The following PCDHGC3 variants were observed in gnomAD, a reference collection of about 807,000 sequenced individuals.
The protein encoded by PCDHGC3 is protocadherin gamma subfamily C, 3.
Under a neutral mutation model 59.2 loss-of-function variants are expected in PCDHGC3, and 26 were observed. The ratio of observed to expected loss-of-function variants is 0.44; its 90% CI spans 0.32 to 0.61. The LOEUF (loss-of-function observed/expected upper bound fraction) is 0.61. PCDHGC3 is among the 20% of genes least tolerant of loss of function. The pLI is 0.05. For synonymous variants in PCDHGC3, 487 were observed against 519.7 expected (o/e 0.94, Z 0.86); for missense variants, 1,080 against 1,221.8 (o/e 0.88, Z 1.73).
chr5:141,486,707 C>A lies in PCDHGC3; in HGVS notation c.2431-8100C>A, dbSNP rs1314530265. On this transcript the variant is annotated intron_variant, in intron 1 of 3. Coordinates refer to ENST00000308177, the MANE Select transcript of PCDHGC3 (RefSeq NM_002588.4). The surrounding 1 kb of genome is among the most constrained non-coding windows in gnomAD (Gnocchi z 5.0). ...AGCTTCCTCTTTCATCTCTCTGAAC[C>A]CCCAGACAGGAGCTGTTCATGCTAC... 2 of 1,614,040 alleles carry A rather than the reference C, an allele frequency of 1.2e-6. No individual in the cohort carries two copies. The highest frequency in any genetic ancestry group is 1.7e-6 in the Non-Finnish European group (2 of 1,180,038).
At position 141,487,116 on chromosome 5, in the gene PCDHGC3, A is replaced by G. The variant is rs749256818; in HGVS notation, c.2431-7691A>G. On this transcript the variant is annotated intron_variant, in intron 1 of 3. Transcript: ENST00000308177. This position sits in a 1 kb window ranked among gnomAD's most constrained non-coding sequence, Gnocchi z 5.0. ...CCACAGAAGCTGGTCATTGTGGTAA[A>G]GGATAGTGGTAGTCCACCACTCTCT... The G allele has an allele frequency of 3.1e-6, 5 of 1,614,022 alleles. No individual in the cohort carries two copies.
chr5:141,476,078 C>G lies in PCDHGC3; in HGVS notation c.-39C>G. On this transcript the variant is annotated 5_prime_UTR_variant, in exon 1 of 4. Transcript: ENST00000308177. The surrounding 1 kb of genome is among the most constrained non-coding windows in gnomAD (Gnocchi z 7.6). ...AAGTTTCTCAGCGAAATCTCAGGGA[C>G]GATCTGGACCCCGCTGAGAGGAACT... is the stretch of plus-strand genomic sequence containing the variant. 1 of 1,528,034 alleles carries G rather than the reference C, an allele frequency of 6.5e-7. No homozygotes were observed. 94.7% of individuals were successfully genotyped at this position (1,528,034 alleles called of 1,614,324 possible).
chr5:141,485,065 A>G lies in PCDHGC3; in HGVS notation c.2430+6519A>G, dbSNP rs527439590. On this transcript the variant is annotated intron_variant, in intron 1 of 3. Transcript: ENST00000308177. The surrounding 1 kb of genome is among the most constrained non-coding windows in gnomAD (Gnocchi z 5.7). ...TGCGGCGCCGGCCGAACCGCGCCAG[A>G]GCTGGCGCGGGGAAAGGGAGATAGG... The G allele has an allele frequency of 4.2e-5, 37 of 877,696 alleles. No individual in the cohort carries two copies. Among genetic ancestry groups the G allele is most frequent in the Non-Finnish European group, 6.5e-5 (36 of 552,826 alleles). The allele number at this position is 877,696 out of a possible 1,614,324, so 54.4% of individuals were successfully genotyped here. A position where few individuals can be genotyped will look rare whatever the true frequency, so the allele number is the denominator to read the frequency against.
intron 2 of PCDHGC3, among the ~76,000 whole-genome samples, chr5:141,500,023 G>C (rs1393994881): frequency 1.3e-5 from 2 of 151,754 alleles, no homozygotes; most frequent in Admixed American, 6.6e-5. Flanking sequence ...TTTTATATTT[G>C]AGTGAGTGTC....
At position 141,477,811 on chromosome 5, in the gene PCDHGC3, C is replaced by A. The variant is rs1211574518; in HGVS notation, c.1695C>A (p.Pro565=). 1 of 1,614,046 alleles carries A rather than the reference C, an allele frequency of 6.2e-7. No individual in the cohort carries two copies. Among genetic ancestry groups the A allele is most frequent in the Non-Finnish European group, 8.5e-7 (1 of 1,180,034 alleles). Residue 565 remains proline (P), a synonymous_variant, in exon 1 of 4, where the codon CCC becomes CCA. Transcript: ENST00000308177. This position sits in a 1 kb window ranked among gnomAD's most constrained non-coding sequence, Gnocchi z 4.9. ...TCACTGATCGCAATGACAATGCCCC[C>A]CAGGTCCTATATCCTCGGCCAGGTG... ...IFVTDRNDNA[P]QVLYPRPGGS...
rs2099706000 is a variant in PCDHGC3 at position 141,490,911 on chromosome 5, G to A, written c.2431-3896G>A. 1 of 1,613,722 alleles carries A rather than the reference G, an allele frequency of 6.2e-7. No individual in the cohort carries two copies. Among genetic ancestry groups the A allele is most frequent in the Non-Finnish European group, 8.5e-7 (1 of 1,179,746 alleles). Reference sequence around the variant, plus strand: ...CTCTGCATGTGTTTGTCCTAGACGAGAATGATAATGCCCCAGCTGTGCTGC... The same window carrying A: ...CTCTGCATGTGTTTGTCCTAGACGAAAATGATAATGCCCCAGCTGTGCTGC... On this transcript the variant is annotated intron_variant, in intron 1 of 3. Coordinates refer to ENST00000308177, the MANE Select transcript of PCDHGC3 (RefSeq NM_002588.4). This position sits in a 1 kb window ranked among gnomAD's most constrained non-coding sequence, Gnocchi z 5.4.
rs777668071 is a variant in PCDHGC3 at position 141,491,848 on chromosome 5, C to G, written c.2431-2959C>G. The G allele has an allele frequency of 3.4e-6, 5 of 1,461,482 alleles. No homozygotes were observed. The highest frequency in any genetic ancestry group is 4.5e-6 in the Non-Finnish European group (5 of 1,104,578). 90.5% of individuals were successfully genotyped at this position (1,461,482 alleles called of 1,614,324 possible). A position where few individuals can be genotyped will look rare whatever the true frequency, so the allele number is the denominator to read the frequency against. ...CACCCGATTCTCGGGATCATTGGAC[C>G]GTTTGCGCGAAACCAGAGTGGCCGA... On this transcript the variant is annotated intron_variant, in intron 1 of 3. Transcript: ENST00000308177. The surrounding 1 kb of genome is among the most constrained non-coding windows in gnomAD (Gnocchi z 6.9).
rs1219684339 is a variant in PCDHGC3, at chr5:141,506,444, CAA to C, written c.2578+983_2578+984del. Among the ~76,000 whole-genome samples the C allele has an allele frequency of 5.9e-3, 564 of 95,004 alleles. 2 individuals carry two copies. The highest frequency in any genetic ancestry group is 0.013 in the African/African-American group (317 of 25,186). 62.3% of individuals were successfully genotyped at this position (95,004 alleles called of 152,430 possible). Reference sequence around the variant, plus strand: ...CCTGGGCAACAGTCTCGCTCTGTCTCAAAAAAAAAAAAAAAAAAAAAGAGCAC... The same window carrying C: ...CCTGGGCAACAGTCTCGCTCTGTCTCAAAAAAAAAAAAAAAAAAAGAGCAC... On this transcript the variant is annotated intron_variant, in intron 3 of 3. Transcript: ENST00000308177.
At position 141,476,719 on chromosome 5, in the gene PCDHGC3, C is replaced by T; in HGVS notation, c.603C>T (p.Ala201=). ...TKYAELVLER[A]LDREREPSLQ... is the part of the protein sequence containing the mutation. ...ACGCGGAGCTGGTGTTGGAGCGCGC[C>T]CTGGACCGAGAACGGGAGCCTAGTC... The change falls in exon 1 of 4, where the codon GCC becomes GCT. Residue 201 remains alanine, a synonymous_variant. Coordinates refer to ENST00000308177, the MANE Select transcript of PCDHGC3 (RefSeq NM_002588.4). The surrounding 1 kb of genome is among the most constrained non-coding windows in gnomAD (Gnocchi z 7.6). The T allele has an allele frequency of 6.2e-7, 1 of 1,614,154 alleles. No homozygotes were observed.
chr5:141,493,336 A>G lies in PCDHGC3; in HGVS notation c.2431-1471A>G, dbSNP rs1049621539. Among the ~76,000 whole-genome samples, 4 of 152,202 alleles carry G rather than the reference A, an allele frequency of 2.6e-5. No homozygotes were observed. Among genetic ancestry groups the G allele is most frequent in the African/African-American group, 9.7e-5 (4 of 41,450 alleles). On this transcript the variant is annotated intron_variant, in intron 1 of 3. Transcript: ENST00000308177. The surrounding 1 kb of genome is among the most constrained non-coding windows in gnomAD (Gnocchi z 4.3). ...GAGATTCTAACCCCTGTCTAACTCC[A>G]GAATGTGTGCTTTTAATTTCTTGGC...
At position 141,490,909 on chromosome 5, in the gene PCDHGC3, G is replaced by A. The variant is rs1170664693; in HGVS notation, c.2431-3898G>A. On this transcript the variant is annotated intron_variant, in intron 1 of 3. Coordinates refer to ENST00000308177, the MANE Select transcript of PCDHGC3 (RefSeq NM_002588.4). The surrounding 1 kb of genome is among the most constrained non-coding windows in gnomAD (Gnocchi z 5.4). ...ATCTCTGCATGTGTTTGTCCTAGAC[G>A]AGAATGATAATGCCCCAGCTGTGCT... The A allele has an allele frequency of 1.1e-5, 17 of 1,613,626 alleles. No individual in the cohort carries two copies. Among genetic ancestry groups the A allele is most frequent in the East Asian group, 4.5e-5 (2 of 44,882 alleles).
In PCDHGC3 at chr5:141,491,786, C is replaced by T; in HGVS notation, c.2431-3021C>T. The stretch of plus-strand genomic sequence containing the variant: ...CCTCATAAGGGATTGAACTTGCATC[C>T]ACTCCTCTCCGGCCGGCTTGGTCGC... On this transcript the variant is annotated intron_variant, in intron 1 of 3. Coordinates refer to ENST00000308177, the MANE Select transcript of PCDHGC3 (RefSeq NM_002588.4). This position sits in a 1 kb window ranked among gnomAD's most constrained non-coding sequence, Gnocchi z 6.9. The T allele has an allele frequency of 1.3e-6, 2 of 1,529,640 alleles. No individual in the cohort carries two copies. The highest frequency in any genetic ancestry group is 2.5e-5 in the South Asian group (2 of 80,832). The allele number at this position is 1,529,640 out of a possible 1,614,324, so 94.8% of individuals were successfully genotyped here.
In PCDHGC3 at chr5:141,489,584, A is replaced by G. The variant is rs775720718; in HGVS notation, c.2431-5223A>G. Reference sequence around the variant, plus strand: ...CAGGTGGTGACTGAACACCCCCTGGAGCTAATCCGTGTAGAGGTAGAGATC... The same window carrying G: ...CAGGTGGTGACTGAACACCCCCTGGGGCTAATCCGTGTAGAGGTAGAGATC... On this transcript the variant is annotated intron_variant, in intron 1 of 3. Coordinates refer to ENST00000308177, the MANE Select transcript of PCDHGC3 (RefSeq NM_002588.4). The surrounding 1 kb of genome is among the most constrained non-coding windows in gnomAD (Gnocchi z 4.5). The G allele has an allele frequency of 6.2e-7, 1 of 1,614,054 alleles. No homozygotes were observed. Among genetic ancestry groups the G allele is most frequent in the South Asian group, 1.1e-5 (1 of 91,078 alleles).
In PCDHGC3 at chr5:141,487,186, A is replaced by G; in HGVS notation, c.2431-7621A>G. 4 of 1,613,760 alleles carry G rather than the reference A, an allele frequency of 2.5e-6. No individual in the cohort carries two copies. The highest frequency in any genetic ancestry group is 2.5e-6 in the Non-Finnish European group (3 of 1,179,662). ...TGTCCTTAGAGGAAGACACTCATCC[A>G]GTTGTCCCAGATCTTCGAGAATCTT... is the stretch of plus-strand genomic sequence containing the variant. On this transcript the variant is annotated intron_variant, in intron 1 of 3. Coordinates refer to ENST00000308177, the MANE Select transcript of PCDHGC3 (RefSeq NM_002588.4). This position sits in a 1 kb window ranked among gnomAD's most constrained non-coding sequence, Gnocchi z 5.0.
At chr5:141,503,555 C>T (rs1010409481) in intron 2 of PCDHGC3, among the ~76,000 whole-genome samples, 2 of 148,816 alleles carry the variant, frequency 1.3e-5, no homozygotes, top group African/African-American at 5.0e-5. Context: ...GCCGAGATCG[C>T]GCCACTGTAC....
At chr5:141,496,760 G>A (rs144857340) in intron 2 of PCDHGC3, among the ~76,000 whole-genome samples, 4 of 152,108 alleles carry the variant, frequency 2.6e-5, no homozygotes, top group East Asian at 1.9e-4. Context: ...AATATTTATC[G>A]AGCATCTACT....
At chr5:141,480,948 G>C (rs1288557779) in intron 1 of PCDHGC3, among the ~76,000 whole-genome samples, 1 of 152,138 alleles carries the variant, frequency 6.6e-6, no homozygotes, top group Non-Finnish European at 1.5e-5. Context: ...TAGAGGCTGA[G>C]GCGGAAGCAT....
At chr5:141,504,306 G>A (rs2099837315) in intron 2 of PCDHGC3, among the ~76,000 whole-genome samples, 1 of 152,076 alleles carries the variant, frequency 6.6e-6, no homozygotes, top group South Asian at 2.1e-4. Context: ...AACACTCGGA[G>A]TTTCTAAAAG....
Position 141,487,650 on chromosome 5 carries a change from G to T in PCDHGC3, c.2431-7157G>T, listed in dbSNP as rs772715932. The T allele has an allele frequency of 6.8e-6, 11 of 1,613,876 alleles. No individual in the cohort carries two copies. Among genetic ancestry groups the T allele is most frequent in the Admixed American group, 1.7e-5 (1 of 59,978 alleles). On this transcript the variant is annotated intron_variant, in intron 1 of 3. Coordinates refer to ENST00000308177, the MANE Select transcript of PCDHGC3 (RefSeq NM_002588.4). This position sits in a 1 kb window ranked among gnomAD's most constrained non-coding sequence, Gnocchi z 5.0. ...TTGCAGGCTCAACAAATGCTTGAGG[G>T]TTATTCTGATCCAGGCATATGGCTA...
Sources: allele counts gnomAD v4.1 joint callset (sites outside exome capture counted in the v4.1 genomes callset), GRCh38; gene constraint gnomAD v4.1.1; non-coding constraint Gnocchi (gnomAD v3.1); transcripts MANE v1.5; gene names NCBI Gene and HGNC (gene_info 2026-07-23, HGNC 2026-07-21).